CDH13: variants seen among roughly 807,000 people sequenced by gnomAD.
The protein encoded by CDH13 is cadherin-13.
CDH13 carries 24 observed loss-of-function variants against 63.8 expected under a neutral mutation model. That is an observed-to-expected ratio of 0.38 (90% confidence interval 0.27 to 0.53). CDH13 has a LOEUF of 0.53. Ranked by LOEUF, CDH13 falls within the 20% of genes least tolerant of loss-of-function variation. CDH13 has a pLI of 0.85. For synonymous variants in CDH13, 503 were observed against 355.3 expected (o/e 1.42, Z -4.67); for missense variants, 1,049 against 903.1 (o/e 1.16, Z -2.07).
chr16:83,211,837 C>G (rs1411215216), intron 4 of CDH13, among the ~76,000 whole-genome samples: 1 of 151,996 alleles, frequency 6.6e-6, no homozygotes, highest in African/African-American at 2.4e-5. Flanking sequence ...ACATGCCCTT[C>G]CAGAGTGTTG....
intron 2 of CDH13, among the ~76,000 whole-genome samples, chr16:82,886,686 A>G (rs781485754): frequency 3.9e-5 from 6 of 152,126 alleles, no homozygotes; most frequent in Non-Finnish European, 7.3e-5. Context: ...CACCGGCTCC[A>G]TGCACTGTTC....
chr16:82,728,252 C>A (rs1272046371), intron 1 of CDH13, among the ~76,000 whole-genome samples: 3 of 152,128 alleles, frequency 2.0e-5, no homozygotes, highest in Non-Finnish European at 2.9e-5. Flanking sequence ...AATGGCACCC[C>A]ATTTCTTGTA....
intron 1 of CDH13, among the ~76,000 whole-genome samples, chr16:82,817,497 A>G (rs72805987): frequency 0.059 from 8,981 of 152,266 alleles, 339 homozygotes; most frequent in Middle Eastern, 0.099. Flanking sequence ...ACTTAAATGC[A>G]CACACATATA....
chr16:82,641,559 G>A (rs1909400576), intron 1 of CDH13, among the ~76,000 whole-genome samples: 1 of 152,106 alleles, frequency 6.6e-6, no homozygotes, highest in African/African-American at 2.4e-5. Context: ...TGCTACCTTA[G>A]GGCCTCGTCT....
chr16:82,858,066 T>A (rs552284404), intron 1 of CDH13, among the ~76,000 whole-genome samples: 11 of 152,342 alleles, frequency 7.2e-5, no homozygotes, highest in African/African-American at 2.6e-4. Context: ...GTTTCTGTAA[T>A]AAAATTTCAC....
At position 82,675,119 on chromosome 16, in the gene CDH13, C is replaced by T. The variant is rs1913746974; in HGVS notation, c.45+47982C>T. ...CATTTTAGCTGTCTTAATAATTTTGCAACTTAAAAATCGTATTGGATAAGG... is the reference window on the plus strand; with the variant it reads ...CATTTTAGCTGTCTTAATAATTTTGTAACTTAAAAATCGTATTGGATAAGG... On this transcript the variant is annotated intron_variant, in intron 1 of 13. Coordinates refer to ENST00000567109, the MANE Select transcript of CDH13 (RefSeq NM_001257.5). Among the ~76,000 whole-genome samples, 6 of 151,934 alleles carry T rather than the reference C, an allele frequency of 3.9e-5. No homozygotes were observed. The South Asian group carries it at 1.2e-3, about 32-fold the overall frequency.
intron 10 of CDH13, among the ~76,000 whole-genome samples, chr16:83,732,155 C>G (rs1321420104): frequency 6.6e-6 from 1 of 152,206 alleles, no homozygotes; most frequent in African/African-American, 2.4e-5. Flanking sequence ...CGGCAATGAA[C>G]AAGCCAATGA....
chr16:83,649,578 G>T (rs1912167644), intron 8 of CDH13, among the ~76,000 whole-genome samples: 1 of 152,186 alleles, frequency 6.6e-6, no homozygotes. Flanking sequence ...GAAGGGGTAA[G>T]GCACTGAGGA....
chr16:83,102,278 T>C (rs142045781), intron 3 of CDH13, among the ~76,000 whole-genome samples: 1 of 152,276 alleles, frequency 6.6e-6, no homozygotes, highest in African/African-American at 2.4e-5. Context: ...AGATAATAAA[T>C]GTGTGTTGTT....
At chr16:83,738,245 C>T (rs978879730) in intron 10 of CDH13, among the ~76,000 whole-genome samples, 7 of 152,170 alleles carry the variant, frequency 4.6e-5, no homozygotes, top group Non-Finnish European at 8.8e-5. Context: ...TGCTGTCTTC[C>T]CAACACCAAG....
chr16:83,652,739 C>G (rs1912505321), intron 8 of CDH13, among the ~76,000 whole-genome samples: 1 of 152,178 alleles, frequency 6.6e-6, no homozygotes, highest in Non-Finnish European at 1.5e-5. Flanking sequence ...TAACAAATGA[C>G]TTGAATCCCC....
chr16:83,143,841 A>C (rs2036636319), intron 4 of CDH13, among the ~76,000 whole-genome samples: 1 of 151,966 alleles, frequency 6.6e-6, no homozygotes, highest in African/African-American at 2.4e-5. Context: ...GACTCTATTA[A>C]GATAAACTAA....
chr16:83,748,081 G>T, intron 10 of CDH13, 27 bp from the exon 11 acceptor site: 1 of 1,613,512 alleles, frequency 6.2e-7, no homozygotes, highest in Non-Finnish European at 8.5e-7. Context: ...TGAATGCAGA[G>T]TCTGACATTG....
intron 5 of CDH13, among the ~76,000 whole-genome samples, chr16:83,342,843 GTTTTTTTTTTT>G (rs778316746): frequency 1.7e-4 from 11 of 65,316 alleles, no homozygotes; most frequent in African/African-American, 6.4e-4. Context: ...TTTTGTTTCT[GTTTTTTTTTTT>G]TTTTTTTTTT....
At chr16:83,454,159 G>C (rs1318919744) in intron 6 of CDH13, among the ~76,000 whole-genome samples, 1 of 152,210 alleles carries the variant, frequency 6.6e-6, no homozygotes, top group Non-Finnish European at 1.5e-5. Flanking sequence ...ATGCAAAACA[G>C]GTATATTAAG....
chr16:82,756,923 G>A (rs2034632865), intron 1 of CDH13, among the ~76,000 whole-genome samples: 1 of 152,150 alleles, frequency 6.6e-6, no homozygotes, highest in Admixed American at 6.5e-5. Flanking sequence ...GCCAGGATTT[G>A]GGTCTTCTCT....
chr16:83,546,429 GTTT>G (rs57567072), intron 7 of CDH13, among the ~76,000 whole-genome samples: 1 of 143,492 alleles, frequency 7.0e-6, no homozygotes. Flanking sequence ...CATACTACTG[GTTT>G]TTTTTTTTTT....
intron 2 of CDH13, among the ~76,000 whole-genome samples, chr16:83,021,345 G>C (rs377655203): frequency 6.6e-6 from 1 of 152,178 alleles, no homozygotes; most frequent in Non-Finnish European, 1.5e-5. Flanking sequence ...CAAATTCGTA[G>C]TGATTATAAC....
chr16:83,198,747 A>G (rs16959735), intron 4 of CDH13, among the ~76,000 whole-genome samples: 4,308 of 152,286 alleles, frequency 0.028, 201 homozygotes, highest in African/African-American at 0.099. Flanking sequence ...AGAAGCCTAT[A>G]AAAGATTCAA....
Sources: gnomAD v4.1 joint callset for allele counts (sites outside exome capture counted in the v4.1 genomes callset) on GRCh38, gnomAD v4.1.1 for gene constraint, MANE v1.5 for transcripts, NCBI Gene and HGNC (gene_info 2026-07-23, HGNC 2026-07-21) for gene names.